NOLC1: variants seen among roughly 807,000 people sequenced by gnomAD.
The protein encoded by NOLC1 is 140 kDa nucleolar phosphoprotein.
In NOLC1, 37 loss-of-function variants were observed where a neutral mutation model predicts 73.4. The observed-to-expected ratio is 0.50, with a 90% CI of 0.39 to 0.66. The LOEUF is 0.66. NOLC1 is among the 30% of genes least tolerant of loss of function. The pLI is 0.00. For synonymous variants in NOLC1, 327 were observed against 302.6 expected (o/e 1.08, Z -0.84); for missense variants, 921 against 838.9 (o/e 1.10, Z -1.21).
Position 102,162,270 on chromosome 10 carries a change from C to T in NOLC1, c.*1C>T. ...TTCTATTAAGTTTGACAGCGAGTGA[C>T]CTGAGGCCATCTTCGGTGAAGCAAG... On this transcript the variant is annotated 3_prime_UTR_variant, in exon 13 of 13. Transcript: ENST00000605788. The T allele has an allele frequency of 6.2e-7, 1 of 1,613,252 alleles. No individual in the cohort carries two copies. The highest frequency in any genetic ancestry group is 8.5e-7 in the Non-Finnish European group (1 of 1,179,508).
chr10:102,153,875 G>T (rs1021928245), intron 1 of NOLC1, among the ~76,000 whole-genome samples: 2 of 151,418 alleles, frequency 1.3e-5, no homozygotes, highest in Non-Finnish European at 2.9e-5. Flanking sequence ...GTTTCACCAT[G>T]TTGGCCAGGC....
intron 10 of NOLC1, 53 bp downstream of exon 10, chr10:102,161,146 G>C: frequency 2.0e-6 from 3 of 1,522,192 alleles, no homozygotes; most frequent in Non-Finnish European, 2.6e-6. Context: ...AATCAGGATG[G>C]GATATACTCT....
intron 4 of NOLC1, 70 bp downstream of exon 4, chr10:102,157,625 G>A: frequency 6.5e-7 from 1 of 1,539,400 alleles, no homozygotes; most frequent in Non-Finnish European, 8.8e-7. Context: ...TTGGCCTCTA[G>A]CTTGTAACCA....
chr10:102,159,250 G>A lies in NOLC1; in HGVS notation c.665G>A (p.Ser222Asn). ...GKAASSSSSS[S>N]SSSSSDDSEE... ...GCAGCCAGTAGCAGCAGTAGCAGCA[G>A]CAGCAGCAGTAGCAGTGATGACTCA... Residue 222 changes from serine (S) to asparagine (N), a missense_variant, in exon 6 of 13, where the codon AGC becomes AAC. Transcript: ENST00000605788. 6.2e-7 allele frequency: 1 copy of A among 1,613,926 alleles called. No individual in the cohort carries two copies. The highest frequency in any genetic ancestry group is 8.5e-7 in the Non-Finnish European group (1 of 1,179,882).
Position 102,161,588 on chromosome 10 carries a change from G to T in NOLC1, c.1774G>T (p.Ala592Ser). Residue 592 changes from alanine to serine, a missense_variant, in exon 11 of 13, where the codon GCC (alanine) becomes TCC (serine). Ala to Ser is a moderately conservative substitution (Grantham distance 99). Transcript: ENST00000605788. ...SLKKRKQNEA[A>S]KEAETPQAKK... is the part of the protein sequence containing the mutation. ...AAAGAAGCGGAAGCAGAATGAGGCT[G>T]CCAAGGAGGCAGAGACTCCTCAGGC... The T allele has an allele frequency of 6.2e-7, 1 of 1,613,972 alleles. No individual in the cohort carries two copies. The highest frequency in any genetic ancestry group is 1.7e-4 in the Middle Eastern group (1 of 6,058).
chr10:102,152,447 G>C lies in NOLC1; in HGVS notation c.37G>C (p.Asp13His), dbSNP rs373081405. The C allele has an allele frequency of 2.5e-6, 4 of 1,612,896 alleles. No homozygotes were observed. In the African/African-American group the frequency reaches 5.3e-5, roughly 22 times the overall value. The change falls in exon 1 of 13, where the codon GAC (aspartate) becomes CAC (histidine). Residue 13 changes from aspartate (D) to histidine (H), a missense_variant. Physicochemically the swap from Asp to His is moderately conservative, Grantham distance 81 (BLOSUM62 -1). Coordinates refer to ENST00000605788, the MANE Select transcript of NOLC1 (RefSeq NM_004741.5). ...DAGIRRVVPS[D>H]LYPLVLGFLR... is the part of the protein sequence containing the mutation. ...CGGCATTCGCCGCGTGGTTCCCAGC[G>C]ACCTGTATCCCCTCGTGCTCGGCTT...
rs542641226 is a variant in NOLC1, at chr10:102,157,175, A to G, written c.177-14A>G. The G allele has an allele frequency of 2.5e-5, 40 of 1,614,028 alleles. No individual in the cohort carries two copies. Among genetic ancestry groups the G allele is most frequent in the South Asian group, 2.1e-4 (19 of 91,064 alleles). On this transcript the variant is annotated splice_polypyrimidine_tract_variant and intron_variant, in intron 2 of 12. Coordinates refer to ENST00000605788, the MANE Select transcript of NOLC1 (RefSeq NM_004741.5). The stretch of plus-strand genomic sequence containing the variant: ...TTCCAGTCCCCTAGAAATTGGTCCA[A>G]TCTACCTCAGCAGGTCTGCCAAGGT...
rs1477156260 is a variant in NOLC1 at position 102,160,773 on chromosome 10, A to G, written c.1421A>G (p.Asp474Gly). ...AGTAGGGACAGCAGCTCTGATTCAG[A>G]CAGCTCCAGCAGTGAGGAGGAGGAA... ...QGSRDSSSDS[D>G]SSSSEEEEEK... The change falls in exon 10 of 13, where the codon GAC becomes GGC. Residue 474 changes from aspartate to glycine, a missense_variant. Physicochemically the swap from Asp to Gly is moderately conservative, Grantham distance 94. Coordinates refer to ENST00000605788, the MANE Select transcript of NOLC1 (RefSeq NM_004741.5). 6.2e-7 allele frequency: 1 copy of G among 1,614,258 alleles called. No individual in the cohort carries two copies. The highest frequency in any genetic ancestry group is 1.6e-4 in the Middle Eastern group (1 of 6,062).
rs565633490 is a variant in NOLC1, at chr10:102,161,675, A to G, written c.1848+13A>G. 3.1e-6 allele frequency: 5 copies of G among 1,604,964 alleles called. No homozygotes were observed. The South Asian group carries it at 5.5e-5, about 18-fold the overall frequency. ...AAAAAGGAAGAAAGTAAGTTGTCTC[A>G]CTTTCTTCTCAGGAGCCAGCTCTTT... On this transcript the variant is annotated intron_variant, in intron 11 of 12. Coordinates refer to ENST00000605788, the MANE Select transcript of NOLC1 (RefSeq NM_004741.5).
Position 102,158,080 on chromosome 10 carries a change from A to G in NOLC1, c.473A>G (p.Lys158Arg), listed in dbSNP as rs1359008152. The change falls in exon 5 of 13, where the codon AAA becomes AGA. Residue 158 changes from lysine to arginine, a missense_variant. Physicochemically the swap from Lys to Arg is conservative, Grantham distance 26. Transcript: ENST00000605788. The part of the protein sequence containing the change: ...KGVKPQAKAA[K>R]APPKKAKSSD... ...GTTAAGCCCCAAGCCAAGGCAGCCA[A>G]AGCTCCTCCTAAGAAGGCCAAGAGC... The G allele has an allele frequency of 4.3e-6, 7 of 1,613,966 alleles. No individual in the cohort carries two copies. Among genetic ancestry groups the G allele is most frequent in the East Asian group, 4.5e-5 (2 of 44,892 alleles).
intron 11 of NOLC1, 43 bp from the exon 12 acceptor site, chr10:102,161,790 C>T (rs2069713628): frequency 6.3e-7 from 1 of 1,588,780 alleles, no homozygotes; most frequent in Non-Finnish European, 8.6e-7. Context: ...AGAACTGTTA[C>T]ATGACCACTC....
At position 102,152,470 on chromosome 10, in the gene NOLC1, C is replaced by T. The variant is rs768373388; in HGVS notation, c.60C>T (p.Gly20=). Residue 20 remains glycine (G), a synonymous_variant, in exon 1 of 13, where the codon GGC becomes GGT. Transcript: ENST00000605788. ...GCGACCTGTATCCCCTCGTGCTCGG[C>T]TTCCTGCGCGATAACCAACTCTCAG... The part of the protein sequence containing the change: ...VPSDLYPLVL[G]FLRDNQLSEV... 6.2e-7 allele frequency: 1 copy of T among 1,613,676 alleles called. No individual in the cohort carries two copies. The highest frequency in any genetic ancestry group is 2.2e-5 in the East Asian group (1 of 44,884).
Position 102,157,325 on chromosome 10 carries a change from G to T in NOLC1, c.313G>T (p.Ala105Ser). The T allele has an allele frequency of 6.2e-7, 1 of 1,613,908 alleles. No homozygotes were observed. Among genetic ancestry groups the T allele is most frequent in the Non-Finnish European group, 8.5e-7 (1 of 1,179,884 alleles). ...AGTTCAAGGGCCTCCAGCAAAGAAG[G>T]CTGGTAAGGCAGAGTAGCAGGTGGG... is the stretch of plus-strand genomic sequence containing the variant. ...EEVQGPPAKK[A>S]AVPAKRVGLP... The change falls in exon 3 of 13, where the codon GCT (alanine) becomes TCT (serine). Residue 105 changes from alanine to serine, a missense_variant. Coordinates refer to ENST00000605788, the MANE Select transcript of NOLC1 (RefSeq NM_004741.5).
chr10:102,161,519 A>ACT, intron 10 of NOLC1, 37 bp from the exon 11 acceptor site: 1 of 1,513,502 alleles, frequency 6.6e-7, no homozygotes, highest in African/African-American at 1.4e-5. Flanking sequence ...GTTGTGAGCC[A>ACT]CTGTACTCGG....
chr10:102,158,694 T>C (rs2069643793), intron 5 of NOLC1, among the ~76,000 whole-genome samples: 1 of 152,202 alleles, frequency 6.6e-6, no homozygotes, highest in Non-Finnish European at 1.5e-5. Flanking sequence ...ATGTCATCTT[T>C]TCTAAGAAGA....
Position 102,162,431 on chromosome 10 carries a change from C to A in NOLC1, c.*162C>A. ...GTGTAACATCCTCTCTGGTCCTTTT[C>A]TGTGTTCCTAGTTTTGTACAGACTT... On this transcript the variant is annotated 3_prime_UTR_variant, in exon 13 of 13. Transcript: ENST00000605788. 1 of 604,346 alleles carries A rather than the reference C, an allele frequency of 1.7e-6. No individual in the cohort carries two copies. Among genetic ancestry groups the A allele is most frequent in the South Asian group, 3.3e-5 (1 of 30,432 alleles). The allele number at this position is 604,346 out of a possible 1,614,324, so 37.4% of individuals were successfully genotyped here. A position where few individuals can be genotyped will look rare whatever the true frequency, so the allele number is the denominator to read the frequency against.
rs1360520155 is a variant in NOLC1 at position 102,159,571 on chromosome 10, G to A, written c.859+3G>A. On this transcript the variant is annotated splice_donor_region_variant and intron_variant, in intron 7 of 12. Transcript: ENST00000605788. Reference sequence around the variant, plus strand: ...AAAACCCATGAAAAATAAACCAGGTGACTGGACATGGGGAGCGAAGCTGTG... The same window carrying A: ...AAAACCCATGAAAAATAAACCAGGTAACTGGACATGGGGAGCGAAGCTGTG... 6.2e-7 allele frequency: 1 copy of A among 1,613,512 alleles called. No homozygotes were observed. The highest frequency in any genetic ancestry group is 1.1e-5 in the South Asian group (1 of 91,034).
chr10:102,152,432 C>T lies in NOLC1; in HGVS notation c.22C>T (p.Arg8Cys), dbSNP rs766592829. The T allele has an allele frequency of 3.7e-6, 6 of 1,611,940 alleles. No individual in the cohort carries two copies. The highest frequency in any genetic ancestry group is 1.1e-5 in the South Asian group (1 of 91,090). MADAGIRRVVPSDLYPLV... is the reference protein window; with the variant it reads MADAGIRCVVPSDLYPLV... ...GAGGATGGCGGACGCCGGCATTCGC[C>T]GCGTGGTTCCCAGCGACCTGTATCC... Residue 8 changes from arginine (R) to cysteine (C), a missense_variant, in exon 1 of 13, where the codon CGC (arginine) becomes TGC (cysteine). Transcript: ENST00000605788.
Position 102,159,440 on chromosome 10 carries a change from C to G in NOLC1, c.731C>G (p.Pro244Arg), listed in dbSNP as rs377650259. Residue 244 changes from proline to arginine, a missense_variant, in exon 7 of 13, where the codon CCT becomes CGT. By Grantham distance (103) the Pro-to-Arg change is moderately radical. Transcript: ENST00000605788. ...KAAATPKKTV[P>R]KKQVVAKAPV... Reference sequence around the variant, plus strand: ...ATTTTCTTTCTAATGCAGACTGTACCTAAAAAGCAAGTTGTGGCCAAGGCC... The same window carrying G: ...ATTTTCTTTCTAATGCAGACTGTACGTAAAAAGCAAGTTGTGGCCAAGGCC... 1.5e-4 allele frequency: 242 copies of G among 1,613,970 alleles called. No individual in the cohort carries two copies. The highest frequency in any genetic ancestry group is 2.0e-4 in the Non-Finnish European group (234 of 1,180,012).
Sources: allele counts gnomAD v4.1 joint callset (sites outside exome capture counted in the v4.1 genomes callset), GRCh38; gene constraint gnomAD v4.1.1; transcripts MANE v1.5; gene names NCBI Gene and HGNC (gene_info 2026-07-23, HGNC 2026-07-21).